DPY19L3: variants seen among roughly 807,000 people sequenced by gnomAD.
DPY19L3 encodes the protein dpy-19 like C-mannosyltransferase 3, also known as protein C-mannosyl-transferase DPY19L3.
In DPY19L3, 51 loss-of-function variants were observed where a neutral mutation model predicts 92.3. The ratio of observed to expected loss-of-function variants is 0.55; its 90% CI spans 0.44 to 0.70. The LOEUF (loss-of-function observed/expected upper bound fraction) is 0.70, where lower values mean the gene tolerates loss of function less well. DPY19L3 is among the 30% of genes least tolerant of loss of function. The pLI is 0.00. For synonymous variants in DPY19L3, 309 were observed against 315.2 expected (o/e 0.98, Z 0.21); for missense variants, 706 against 855.9 (o/e 0.82, Z 2.18).
At chr19:32,437,490 T>G in intron 6 of DPY19L3, 151 bp downstream of exon 6, 1 of 864,066 alleles carries the variant, frequency 1.2e-6, no homozygotes, top group African/African-American at 1.7e-5. Context: ...TCAATTTTTC[T>G]TATTTAGTTA....
intron 15 of DPY19L3, among the ~76,000 whole-genome samples, chr19:32,466,635 A>G (rs959528566): frequency 2.0e-5 from 3 of 152,226 alleles, no homozygotes; most frequent in East Asian, 1.9e-4. Flanking sequence ...AACCACTGCT[A>G]TAAAAGAACT....
chr19:32,478,691 G>A (rs959489122), intron 17 of DPY19L3, among the ~76,000 whole-genome samples: 1 of 152,176 alleles, frequency 6.6e-6, no homozygotes, highest in Non-Finnish European at 1.5e-5. Flanking sequence ...GGCATTTAAT[G>A]TGTTTTGGAA....
intron 15 of DPY19L3, chr19:32,468,315 G>C: frequency 2.0e-6 from 2 of 989,600 alleles, no homozygotes; most frequent in Non-Finnish European, 2.4e-6. Flanking sequence ...TCTTCTACAG[G>C]ATACATTCTA....
At chr19:32,443,725 A>G (rs1350487822) in intron 8 of DPY19L3, among the ~76,000 whole-genome samples, 3 of 152,226 alleles carry the variant, frequency 2.0e-5, no homozygotes, top group Non-Finnish European at 4.4e-5. Flanking sequence ...GCAGATTTAA[A>G]TAAGATCCAG....
chr19:32,430,896 T>C (rs1246710468), intron 3 of DPY19L3, among the ~76,000 whole-genome samples: 2 of 151,110 alleles, frequency 1.3e-5, no homozygotes, highest in Non-Finnish European at 2.9e-5. Context: ...CCAAAGTGCA[T>C]GGCTATAGGC....
chr19:32,433,126 A>G (rs181633764), intron 4 of DPY19L3, among the ~76,000 whole-genome samples: 3 of 152,304 alleles, frequency 2.0e-5, no homozygotes, highest in Non-Finnish European at 1.5e-5. Context: ...GTCTGAGAAC[A>G]GGAGGCATTT....
chr19:32,406,515 G>C (rs1466940331), intron 1 of DPY19L3, among the ~76,000 whole-genome samples: 3 of 151,850 alleles, frequency 2.0e-5, no homozygotes, highest in African/African-American at 7.3e-5. Flanking sequence ...ATGCACCACC[G>C]AGCCTGGCTA....
intron 8 of DPY19L3, among the ~76,000 whole-genome samples, chr19:32,443,022 A>G (rs1969371820): frequency 6.6e-6 from 1 of 152,180 alleles, no homozygotes. Flanking sequence ...CTCTATCAGG[A>G]TGGTGTCAGA....
chr19:32,428,665 T>C (rs1968851025), intron 3 of DPY19L3, among the ~76,000 whole-genome samples: 1 of 152,194 alleles, frequency 6.6e-6, no homozygotes, highest in Non-Finnish European at 1.5e-5. Flanking sequence ...TTGGTGTCAT[T>C]TGTCTCAAAG....
chr19:32,469,051 G>C, intron 16 of DPY19L3: 1 of 276,800 alleles, frequency 3.6e-6, no homozygotes, highest in Admixed American at 5.2e-5. Context: ...GAGGAAAACC[G>C]ATTCAATAAA....
chr19:32,472,434 A>G (rs949417946), intron 16 of DPY19L3, among the ~76,000 whole-genome samples: 1 of 152,000 alleles, frequency 6.6e-6, no homozygotes, highest in African/African-American at 2.4e-5. Context: ...ACACCGATGC[A>G]TTGCATGCCT....
intron 3 of DPY19L3, among the ~76,000 whole-genome samples, chr19:32,427,607 G>C (rs1188455363): frequency 6.6e-6 from 1 of 152,220 alleles, no homozygotes; most frequent in Admixed American, 6.5e-5. Context: ...CTGATTGCCT[G>C]AGTGTGGGCC....
chr19:32,469,949 A>G (rs188071505), intron 16 of DPY19L3, among the ~76,000 whole-genome samples: 2 of 152,312 alleles, frequency 1.3e-5, no homozygotes, highest in African/African-American at 2.4e-5. Context: ...TTCTGAAAGC[A>G]TTGGCTGGAT....
chr19:32,408,370 A>G lies in DPY19L3; in HGVS notation c.103+14A>G. Reference sequence around the variant, plus strand: ...AATTGCCATCTGGTAGGTGATTTAAACTAAAGCAGCAATTTGGGTTGCTTT... The same window carrying G: ...AATTGCCATCTGGTAGGTGATTTAAGCTAAAGCAGCAATTTGGGTTGCTTT... On this transcript the variant is annotated intron_variant, in intron 2 of 18. Transcript: ENST00000392250. 1 of 1,592,586 alleles carries G rather than the reference A, an allele frequency of 6.3e-7. No homozygotes were observed. The highest frequency in any genetic ancestry group is 1.1e-5 in the South Asian group (1 of 89,942).
Position 32,434,287 on chromosome 19 carries a change from C to T in DPY19L3, c.328+1481C>T, listed in dbSNP as rs1969065794. On this transcript the variant is annotated intron_variant, in intron 4 of 18. Transcript: ENST00000392250. ...CTCTGCCTCCTTGTCTCGGCTCTCA[C>T]ACTGCAGTGTCCTTTTCAGAAAGTC... 2.6e-5 allele frequency among the ~76,000 whole-genome samples: 4 copies of T among 152,184 alleles called. No individual in the cohort carries two copies. The South Asian group carries it at 8.3e-4, about 32-fold the overall frequency.
At chr19:32,454,816 A>G in intron 9 of DPY19L3, 123 bp from the exon 10 acceptor site, 1 of 596,042 alleles carries the variant, frequency 1.7e-6, no homozygotes, top group Non-Finnish European at 2.9e-6. Context: ...TGTATTTTCC[A>G]CATATATTTT....
chr19:32,472,784 TACTTC>T (rs1392794454), intron 16 of DPY19L3, among the ~76,000 whole-genome samples: 1 of 152,228 alleles, frequency 6.6e-6, no homozygotes, highest in Non-Finnish European at 1.5e-5. Context: ...ACATTTTAGC[TACTTC>T]ACTTTAGGAG....
At chr19:32,460,970 A>G (rs905322063) in intron 12 of DPY19L3, among the ~76,000 whole-genome samples, 4 of 152,128 alleles carry the variant, frequency 2.6e-5, no homozygotes, top group Non-Finnish European at 5.9e-5. Context: ...GGTTCAGGCA[A>G]TTCTCCTGCC....
intron 16 of DPY19L3, among the ~76,000 whole-genome samples, chr19:32,477,267 G>C (rs1970539000): frequency 6.6e-6 from 1 of 152,022 alleles, no homozygotes; most frequent in African/African-American, 2.4e-5. Flanking sequence ...ACAAAACATT[G>C]TTGTAAAAAA....
Sources: gnomAD v4.1 joint callset for allele counts (sites outside exome capture counted in the v4.1 genomes callset) on GRCh38, gnomAD v4.1.1 for gene constraint, MANE v1.5 for transcripts, NCBI Gene and HGNC (gene_info 2026-07-23, HGNC 2026-07-21) for gene names.